CCDC32: variants seen among roughly 807,000 people sequenced by gnomAD.
CCDC32 encodes coiled-coil domain containing 32, also known as coiled-coil domain-containing protein 32.
Under a neutral mutation model 20.1 loss-of-function variants are expected in CCDC32, and 9 were observed. That is an observed-to-expected ratio of 0.45 (90% CI 0.27 to 0.78). The LOEUF is 0.78. CCDC32 is among the 30% of genes least tolerant of loss of function. The pLI is 0.16. For missense variants in CCDC32, 204 were observed against 215.5 expected (o/e 0.95, Z 0.33); for synonymous variants, 63 against 79.0 (o/e 0.80, Z 1.07).
intron 1 of CCDC32, among the ~76,000 whole-genome samples, chr15:40,564,423 C>T (rs1432324110): frequency 2.0e-5 from 3 of 152,076 alleles, no homozygotes; most frequent in African/African-American, 7.2e-5. Flanking sequence ...GCTCCAGAAT[C>T]CATGTTTTTA....
At chr15:40,549,472 G>A (rs998065439), downstream of CCDC32, among the ~76,000 whole-genome samples, 6 of 151,966 alleles carry the variant, frequency 3.9e-5, no homozygotes, top group Admixed American at 3.3e-4. Context: ...CCCTAACACG[G>A]CCTCTCTCCT....
At chr15:40,553,069 A>G (rs1349741464), downstream of CCDC32, 30 of 965,584 alleles carry the variant, frequency 3.1e-5, no homozygotes, top group Non-Finnish European at 3.7e-5. Context: ...TCCAGGAGCA[A>G]TCGAGTCAAC....
chr15:40,553,905 C>CGTGTGTGTGTGT lies in CCDC32; in HGVS notation c.*54_*65dup, dbSNP rs60438611. 4.9e-5 allele frequency: 71 copies of CGTGTGTGTGTGT among 1,435,448 alleles called. 1 individual carries two copies. The East Asian group carries it at 5.3e-4, about 11-fold the overall frequency. 88.9% of individuals were successfully genotyped at this position (1,435,448 alleles called of 1,614,324 possible). A position where few individuals can be genotyped will look rare whatever the true frequency, so the allele number is the denominator to read the frequency against. The stretch of plus-strand genomic sequence containing the variant: ...CTCTGGACCCGAGACAGCTGCTCGG[C>CGTGTGTGTGTGT]GTGTGTGTGTGTGTGTGTGTGTGTG... On this transcript the variant is annotated 3_prime_UTR_variant, in exon 4 of 4. Coordinates refer to ENST00000416810, the MANE Select transcript of CCDC32 (RefSeq NM_001080792.4).
intron 3 of CCDC32, chr15:40,539,461 G>A: frequency 1.0e-6 from 1 of 979,386 alleles, no homozygotes; most frequent in Non-Finnish European, 1.5e-6. Flanking sequence ...GGAGCACCGA[G>A]AGTGCGAAGG....
downstream of CCDC32, chr15:40,538,950 A>C: frequency 2.3e-6 from 1 of 443,580 alleles, no homozygotes. Flanking sequence ...AGTGCTTGCC[A>C]CAGGTGGGCT....
chr15:40,522,688 A>T, the CCDC32 span, among the ~76,000 whole-genome samples: 1 of 152,136 alleles, frequency 6.6e-6, no homozygotes. Flanking sequence ...ATTCTCAAAC[A>T]CTTGGGTAAC....
rs1357163019 is a variant in CCDC32 at position 40,553,158 on chromosome 15, A to T, written c.*813T>A. On this transcript the variant is annotated 3_prime_UTR_variant, in exon 4 of 4. Coordinates refer to ENST00000416810, the MANE Select transcript of CCDC32 (RefSeq NM_001080792.4). Reference sequence around the variant, plus strand: ...CTGATCATGAACACAATAAACAGGGAGGGAAGCTCGGGCTCAGCCAGGAAA... The same window carrying T: ...CTGATCATGAACACAATAAACAGGGTGGGAAGCTCGGGCTCAGCCAGGAAA... 3.2e-5 allele frequency: 32 copies of T among 985,360 alleles called. No homozygotes were observed. The highest frequency in any genetic ancestry group is 3.7e-5 in the Non-Finnish European group (31 of 829,984). The allele number at this position is 985,360 out of a possible 1,614,324, so 61.0% of individuals were successfully genotyped here.
downstream of CCDC32, among the ~76,000 whole-genome samples, chr15:40,533,783 G>A (rs1888989264): frequency 1.3e-5 from 2 of 152,140 alleles, no homozygotes; most frequent in South Asian, 4.1e-4. Context: ...TTTAGGAGGA[G>A]GGAGTGTTTT....
Position 40,556,106 on chromosome 15 carries a change from A to G in CCDC32, c.401+1110T>C, listed in dbSNP as rs116528393. Among the ~76,000 whole-genome samples, 240 of 152,372 alleles carry G rather than the reference A, an allele frequency of 1.6e-3. 3 individuals are homozygous for G. Among genetic ancestry groups the G allele is most frequent in the African/African-American group, 5.6e-3 (234 of 41,588 alleles). Reference sequence around the variant, plus strand: ...GAGGCACACATAGGTTACTTACCCAAGAACATACAACCAGTAAGTGGCAGA... The same window carrying G: ...GAGGCACACATAGGTTACTTACCCAGGAACATACAACCAGTAAGTGGCAGA... On this transcript the variant is annotated intron_variant, in intron 3 of 3. Coordinates refer to ENST00000416810, the MANE Select transcript of CCDC32 (RefSeq NM_001080792.4).
At chr15:40,552,404 C>T (rs1238719953), downstream of CCDC32, among the ~76,000 whole-genome samples, 4 of 143,458 alleles carry the variant, frequency 2.8e-5, no homozygotes, top group Non-Finnish European at 6.0e-5. Context: ...TTGCTTGAAC[C>T]CGGGAGGCAG....
intron 3 of CCDC32, among the ~76,000 whole-genome samples, chr15:40,541,125 C>T (rs1174656085): frequency 2.0e-5 from 3 of 152,206 alleles, no homozygotes; most frequent in Non-Finnish European, 4.4e-5. Context: ...TGTGACCAGC[C>T]GCAGCTGCAG....
At chr15:40,545,350 A>G (rs1359610139) in intron 3 of CCDC32, among the ~76,000 whole-genome samples, 2 of 152,162 alleles carry the variant, frequency 1.3e-5, no homozygotes, top group South Asian at 4.1e-4. Flanking sequence ...ACACACACAC[A>G]CACACAATCC....
downstream of CCDC32, among the ~76,000 whole-genome samples, chr15:40,532,519 G>A (rs1392721068): frequency 2.6e-5 from 4 of 152,064 alleles, no homozygotes; most frequent in East Asian, 7.7e-4. Flanking sequence ...TGTTCACCAT[G>A]AGCCCATCAT....
intron 3 of CCDC32, among the ~76,000 whole-genome samples, chr15:40,546,323 C>G (rs1889617355): frequency 6.6e-6 from 1 of 151,950 alleles, no homozygotes; most frequent in Non-Finnish European, 1.5e-5. Flanking sequence ...TCCCAAGTAG[C>G]TGGGACCACA....
downstream of CCDC32, among the ~76,000 whole-genome samples, chr15:40,549,991 G>A (rs967319144): frequency 3.9e-5 from 6 of 152,176 alleles, no homozygotes; most frequent in African/African-American, 7.2e-5. Flanking sequence ...CTGGCGGGAC[G>A]TTTGTTTACT....
chr15:40,556,993 C>CAG, intron 3 of CCDC32: 1 of 218,788 alleles, frequency 4.6e-6, no homozygotes. Context: ...AATTCAAGAA[C>CAG]ATGAGAGACT....
At chr15:40,549,768 C>A (rs1364975488), downstream of CCDC32, among the ~76,000 whole-genome samples, 1 of 152,184 alleles carries the variant, frequency 6.6e-6, no homozygotes, top group Non-Finnish European at 1.5e-5. Context: ...ATGGCAGTAT[C>A]CTATCTTGAG....
chr15:40,530,340 T>G (rs897516713), downstream of CCDC32, among the ~76,000 whole-genome samples: 6 of 142,676 alleles, frequency 4.2e-5, no homozygotes, highest in East Asian at 1.0e-3. Context: ...GTGGGCCTAA[T>G]GGGAGATGTT....
chr15:40,524,663 G>T (rs1234016996), downstream of CCDC32, among the ~76,000 whole-genome samples: 1 of 151,496 alleles, frequency 6.6e-6, no homozygotes, highest in Non-Finnish European at 1.5e-5. Context: ...ATGATGGAAA[G>T]GCTCTGTCTT....
Sources: allele counts gnomAD v4.1 joint callset (sites outside exome capture counted in the v4.1 genomes callset), GRCh38; gene constraint gnomAD v4.1.1; transcripts MANE v1.5; gene names NCBI Gene and HGNC (gene_info 2026-07-23, HGNC 2026-07-21).